Variants in FOCAD observed in about 807,000 individuals in gnomAD.
FOCAD encodes focadhesin.
A neutral mutation model predicts 225.6 loss-of-function variants in FOCAD; 198 were observed. The ratio of observed to expected loss-of-function variants is 0.88; its 90% CI spans 0.78 to 0.99. The LOEUF is 0.99. Among genes scored for constraint, FOCAD ranks in the 50% least tolerant of loss-of-function variants. The pLI, the probability that FOCAD is intolerant of heterozygous loss-of-function variation, is 0.00. For missense variants in FOCAD, 2,713 were observed against 2,123.6 expected (o/e 1.28, Z -5.46); for synonymous variants, 897 against 755.0 (o/e 1.19, Z -3.08).
chr9:20,832,390 CT>C lies in FOCAD; in HGVS notation c.1920+9284del, dbSNP rs1271538273. On this transcript the variant is annotated intron_variant, in intron 15 of 43. Transcript: ENST00000338382. ...AAGCATTTTAGCTGTTACCTTCATTCTTTTTTTTTAATTTTTAATTTTTGTG... is the reference window on the plus strand; with the variant it reads ...AAGCATTTTAGCTGTTACCTTCATTCTTTTTTTTAATTTTTAATTTTTGTG... Among the ~76,000 whole-genome samples, 13 of 150,482 alleles carry C rather than the reference CT, an allele frequency of 8.6e-5. No homozygotes were observed. The South Asian group carries it at 1.1e-3, about 12-fold the overall frequency.
At chr9:20,677,961 T>A (rs1394329880) in intron 2 of FOCAD, among the ~76,000 whole-genome samples, 2 of 152,088 alleles carry the variant, frequency 1.3e-5, no homozygotes, top group Non-Finnish European at 2.9e-5. Flanking sequence ...ATAAAGAAAA[T>A]GTATGTATGT....
Position 20,945,457 on chromosome 9 carries a change from A to T in FOCAD, c.3555+683A>T, listed in dbSNP as rs559696892. 5.6e-4 allele frequency among the ~76,000 whole-genome samples: 86 copies of T among 152,316 alleles called. 2 individuals carry two copies. In the South Asian group the frequency reaches 0.017, roughly 30 times the overall value. On this transcript the variant is annotated intron_variant, in intron 29 of 43. Coordinates refer to ENST00000338382, the MANE Select transcript of FOCAD (RefSeq NM_001375567.1). ...ATTAGAACAGATTCTATTTTATCCC[A>T]GCCTGCCCATGAGCTATTGATGAGT...
intron 28 of FOCAD, among the ~76,000 whole-genome samples, chr9:20,941,940 G>C (rs1182547568): frequency 6.6e-6 from 1 of 152,118 alleles, no homozygotes; most frequent in African/African-American, 2.4e-5. Flanking sequence ...GCACCTGGGG[G>C]AACATTTTAA....
At chr9:20,683,120 A>G (rs1334486243), upstream of FOCAD, among the ~76,000 whole-genome samples, 1 of 152,162 alleles carries the variant, frequency 6.6e-6, no homozygotes, top group Admixed American at 6.5e-5. Flanking sequence ...GTTATTGGGA[A>G]AACTGTTAAC....
intron 35 of FOCAD, among the ~76,000 whole-genome samples, chr9:20,958,948 A>G (rs1838452526): frequency 1.3e-5 from 2 of 152,290 alleles, no homozygotes; most frequent in African/African-American, 2.4e-5. Context: ...ATTGTTGGAC[A>G]CCTAGATTTA....
At chr9:20,796,015 C>G (rs1466998959) in intron 11 of FOCAD, among the ~76,000 whole-genome samples, 1 of 149,652 alleles carries the variant, frequency 6.7e-6, no homozygotes, top group Non-Finnish European at 1.5e-5. Context: ...CTTCCTGTGT[C>G]CATGTGTTCT....
intron 24 of FOCAD, among the ~76,000 whole-genome samples, chr9:20,917,459 T>G (rs1272527867): frequency 6.6e-6 from 1 of 152,216 alleles, no homozygotes; most frequent in Non-Finnish European, 1.5e-5. Flanking sequence ...TGTCACTGCC[T>G]TGATGCTTTT....
intron 14 of FOCAD, among the ~76,000 whole-genome samples, chr9:20,822,562 G>C (rs1357382338): frequency 6.6e-6 from 1 of 151,976 alleles, no homozygotes; most frequent in Non-Finnish European, 1.5e-5. Flanking sequence ...ACCCTAGTTA[G>C]TATTGCTACT....
chr9:20,912,631 T>C (rs1241747509), intron 22 of FOCAD, among the ~76,000 whole-genome samples: 1 of 152,158 alleles, frequency 6.6e-6, no homozygotes, highest in Non-Finnish European at 1.5e-5. Flanking sequence ...TTAAATTCTC[T>C]GCACTAAATT....
intron 1 of FOCAD, among the ~76,000 whole-genome samples, chr9:20,709,004 T>A (rs1824616716): frequency 6.6e-6 from 1 of 152,188 alleles, no homozygotes; most frequent in Non-Finnish European, 1.5e-5. Flanking sequence ...TGTCCTTTAT[T>A]TGAGGTTTGA....
intron 1 of FOCAD, among the ~76,000 whole-genome samples, chr9:20,703,322 A>G (rs1470703516): frequency 5.9e-5 from 9 of 152,046 alleles, no homozygotes; most frequent in African/African-American, 2.2e-4. Context: ...GAAGGAGCTG[A>G]GGGTGTGGTT....
At chr9:20,774,907 C>T (rs546817365) in intron 8 of FOCAD, among the ~76,000 whole-genome samples, 58 of 152,230 alleles carry the variant, frequency 3.8e-4, no homozygotes, top group African/African-American at 1.3e-3. Flanking sequence ...CCCCCATCCC[C>T]ATCTTAGTGT....
intron 28 of FOCAD, among the ~76,000 whole-genome samples, chr9:20,942,185 C>A (rs1185917000): frequency 6.6e-6 from 1 of 152,106 alleles, no homozygotes; most frequent in East Asian, 1.9e-4. Context: ...TGAATAGAAT[C>A]GCTAGTGAAT....
chr9:20,657,019 T>C (rs1052768803), upstream of FOCAD, among the ~76,000 whole-genome samples: 1 of 152,156 alleles, frequency 6.6e-6, no homozygotes, highest in Non-Finnish European at 1.5e-5. Context: ...AAGTATTTTG[T>C]TTCTCCTTCG....
chr9:20,874,861 C>T (rs915457279), intron 19 of FOCAD, 54 bp downstream of exon 19: 21 of 1,606,096 alleles, frequency 1.3e-5, no homozygotes, highest in Non-Finnish European at 1.7e-5. Flanking sequence ...TTCGATTTGT[C>T]TGATTGTATT....
intron 2 of FOCAD, among the ~76,000 whole-genome samples, chr9:20,668,674 G>T (rs1294899654): frequency 1.3e-5 from 2 of 152,200 alleles, no homozygotes; most frequent in African/African-American, 4.8e-5. Flanking sequence ...CAGGTAAATG[G>T]CTGTCTCTGA....
chr9:20,825,153 G>A (rs1403225140), intron 15 of FOCAD, among the ~76,000 whole-genome samples: 1 of 136,176 alleles, frequency 7.3e-6, no homozygotes, highest in African/African-American at 2.6e-5. Context: ...TTGCGTGTGT[G>A]TGTGTGTGTG....
At chr9:20,847,410 T>C (rs1197234734) in intron 15 of FOCAD, among the ~76,000 whole-genome samples, 1 of 152,114 alleles carries the variant, frequency 6.6e-6, no homozygotes, top group Non-Finnish European at 1.5e-5. Flanking sequence ...GTCTAAATTC[T>C]TATAATGCTG....
intron 11 of FOCAD, among the ~76,000 whole-genome samples, chr9:20,791,218 T>G (rs929528065): frequency 2.6e-5 from 3 of 114,684 alleles, no homozygotes; most frequent in South Asian, 3.3e-4. Context: ...TATATATGCA[T>G]GCACACACAC....
Sources: gnomAD v4.1 joint callset for allele counts (sites outside exome capture counted in the v4.1 genomes callset) on GRCh38, gnomAD v4.1.1 for gene constraint, MANE v1.5 for transcripts, NCBI Gene and HGNC (gene_info 2026-07-23, HGNC 2026-07-21) for gene names.